The following KIF26B variants were observed in gnomAD, a reference collection of about 807,000 sequenced individuals.
The protein encoded by KIF26B is kinesin-like protein KIF26B.
In KIF26B, 63 loss-of-function variants were observed where a neutral mutation model predicts 151.2. The observed-to-expected ratio is 0.42, with a 90% confidence interval of 0.34 to 0.51. KIF26B has a LOEUF of 0.51. Among genes scored for constraint, KIF26B ranks in the 20% least tolerant of loss-of-function variants. The pLI, the probability that KIF26B is intolerant of heterozygous loss-of-function variation, is 0.07. For missense variants in KIF26B, 2,813 were observed against 2,913.6 expected, an observed-to-expected ratio of 0.97 and a Z score of 0.79; for synonymous variants, 1,357 against 1,262.1, an observed-to-expected ratio of 1.08 and a Z score of -1.59.
rs577447881 is a variant in KIF26B at position 245,607,307 on chromosome 1, G to A, written c.1558-344G>A. Among the ~76,000 whole-genome samples the A allele has an allele frequency of 2.6e-5, 4 of 151,988 alleles. No individual in the cohort carries two copies. In the South Asian group the frequency reaches 6.2e-4, roughly 24 times the overall value. On this transcript the variant is annotated intron_variant, in intron 6 of 14. Transcript: ENST00000407071. ...AGTGGAGAGTTTAAAGACCTTATCCGGGACCCCAGAATGGCAGATGAGGGA... is the reference window on the plus strand; with the variant it reads ...AGTGGAGAGTTTAAAGACCTTATCCAGGACCCCAGAATGGCAGATGAGGGA...
chr1:245,263,778 C>T (rs1024134963), intron 2 of KIF26B, among the ~76,000 whole-genome samples: 4 of 152,132 alleles, frequency 2.6e-5, no homozygotes, highest in South Asian at 2.1e-4. Flanking sequence ...GTGGCTGATT[C>T]CAAAAAATGC....
intron 4 of KIF26B, among the ~76,000 whole-genome samples, chr1:245,501,695 T>C (rs1660624404): frequency 6.6e-6 from 1 of 152,222 alleles, no homozygotes; most frequent in South Asian, 2.1e-4. Context: ...TGACTGAAAG[T>C]GTAAACAAAT....
chr1:245,309,104 T>C (rs919157477), intron 2 of KIF26B, among the ~76,000 whole-genome samples: 1 of 152,192 alleles, frequency 6.6e-6, no homozygotes, highest in Non-Finnish European at 1.5e-5. Flanking sequence ...ATGTGCATTG[T>C]GCTCTAGAGG....
chr1:245,695,891 TCTCTA>T (rs2044687287), intron 12 of KIF26B, among the ~76,000 whole-genome samples: 1 of 118,086 alleles, frequency 8.5e-6, no homozygotes, highest in African/African-American at 2.9e-5. Flanking sequence ...GTTTTTACCT[TCTCTA>T]CTCCCAGCTC....
In KIF26B at chr1:245,156,466, G is replaced by C. The variant is rs1181979620; in HGVS notation, c.248G>C (p.Gly83Ala). 1 of 1,524,676 alleles carries C rather than the reference G, an allele frequency of 6.6e-7. No individual in the cohort carries two copies. Among genetic ancestry groups the C allele is most frequent in the Admixed American group, 2.0e-5 (1 of 50,060 alleles). 94.4% of individuals were successfully genotyped at this position (1,524,676 alleles called of 1,614,324 possible). A position where few individuals can be genotyped will look rare whatever the true frequency, so the allele number is the denominator to read the frequency against. Residue 83 changes from glycine (G) to alanine (A), a missense_variant, in exon 2 of 15, where the codon GGC becomes GCC. Gly to Ala is a moderately conservative substitution (Grantham distance 60). Coordinates refer to ENST00000407071, the MANE Select transcript of KIF26B (RefSeq NM_018012.4). ...SGTSSPSSFT[G>A]SPGPASPGIG... ...ACCTCGTCCCCGAGCTCGTTCACCG[G>C]CTCCCCGGGACCCGCCTCCCCCGGC... is the stretch of plus-strand genomic sequence containing the variant.
chr1:245,603,452 A>T (rs12028539), intron 6 of KIF26B, among the ~76,000 whole-genome samples: 2 of 152,012 alleles, frequency 1.3e-5, no homozygotes, highest in South Asian at 2.1e-4. Context: ...GTCCTAGCTC[A>T]GCTCATTTTT....
chr1:245,202,910 C>T (rs1411773859), intron 2 of KIF26B, among the ~76,000 whole-genome samples: 2 of 151,084 alleles, frequency 1.3e-5, no homozygotes, highest in Admixed American at 6.6e-5. Context: ...TACTGCACTC[C>T]AGCCTGGGTG....
intron 2 of KIF26B, among the ~76,000 whole-genome samples, chr1:245,158,856 GT>G (rs1558328543): frequency 1.8e-4 from 7 of 39,336 alleles, no homozygotes; most frequent in South Asian, 1.7e-3. Context: ...GTGTGTGTGT[GT>G]GTGTGTGTGT....
chr1:245,647,760 C>T (rs1049182766), intron 10 of KIF26B, among the ~76,000 whole-genome samples: 2 of 152,170 alleles, frequency 1.3e-5, no homozygotes, highest in Non-Finnish European at 2.9e-5. Context: ...CAGACCCCCC[C>T]ACCAAATACA....
intron 4 of KIF26B, among the ~76,000 whole-genome samples, chr1:245,451,841 C>G (rs779697982): frequency 6.6e-6 from 1 of 151,970 alleles, no homozygotes; most frequent in Non-Finnish European, 1.5e-5. Context: ...CTCAGGTGAT[C>G]CACCCACCTC....
chr1:245,329,685 C>T (rs928364731), intron 2 of KIF26B, among the ~76,000 whole-genome samples: 2 of 152,212 alleles, frequency 1.3e-5, no homozygotes, highest in Admixed American at 6.5e-5. Context: ...TCCCAACTCT[C>T]TCTCTCATGT....
rs1660496225 is a variant in KIF26B, at chr1:245,495,569, G to A, written c.1167-45198G>A. Among the ~76,000 whole-genome samples, 1 of 152,146 alleles carries A rather than the reference G, an allele frequency of 6.6e-6. No individual in the cohort carries two copies. On this transcript the variant is annotated intron_variant, in intron 4 of 14. Transcript: ENST00000407071. This position sits in a 1 kb window ranked among gnomAD's most constrained non-coding sequence, Gnocchi z 4.2. ...TTAACCATATTCACCTGAGAGTGCT[G>A]CAGGATGCCAGAACTCCTTCCTCCT...
intron 3 of KIF26B, among the ~76,000 whole-genome samples, chr1:245,410,981 G>A (rs1674267397): frequency 6.6e-6 from 1 of 152,054 alleles, no homozygotes; most frequent in Non-Finnish European, 1.5e-5. Context: ...TTGCTCTTCT[G>A]TATTATTTTT....
chr1:245,385,225 T>G (rs1673513700), intron 3 of KIF26B, among the ~76,000 whole-genome samples: 1 of 152,214 alleles, frequency 6.6e-6, no homozygotes, highest in African/African-American at 2.4e-5. Context: ...GAAAGTCACT[T>G]ATTTAAACAT....
chr1:245,252,878 G>A (rs1670468877), intron 2 of KIF26B, among the ~76,000 whole-genome samples: 1 of 151,896 alleles, frequency 6.6e-6, no homozygotes, highest in South Asian at 2.1e-4. Context: ...TGTGTGATAT[G>A]GGTACACATG....
Position 245,698,023 on chromosome 1 carries a change from C to G in KIF26B, c.5825-83C>G, listed in dbSNP as rs887153038. The G allele has an allele frequency of 7.6e-7, 1 of 1,314,238 alleles. No homozygotes were observed. Among genetic ancestry groups the G allele is most frequent in the East Asian group, 2.5e-5 (1 of 39,506 alleles). The allele number at this position is 1,314,238 out of a possible 1,614,324, so 81.4% of individuals were successfully genotyped here. The stretch of plus-strand genomic sequence containing the variant: ...CACCACTGCACTCCAGCCTGGGCAA[C>G]AGAGCAAGACCCTGTCTCAAAAAAA... On this transcript the variant is annotated intron_variant, in intron 12 of 14. Transcript: ENST00000407071. The surrounding 1 kb of genome is among the most constrained non-coding windows in gnomAD (Gnocchi z 4.0).
At chr1:245,693,610 C>T (rs2044653580) in intron 12 of KIF26B, among the ~76,000 whole-genome samples, 4 of 152,160 alleles carry the variant, frequency 2.6e-5, no homozygotes, top group Admixed American at 2.6e-4. Flanking sequence ...ACATTACTGA[C>T]TGATGGGCCT....
At position 245,166,361 on chromosome 1, in the gene KIF26B, C is replaced by T. The variant is rs1668614153; in HGVS notation, c.465+9678C>T. Among the ~76,000 whole-genome samples, 1 of 152,148 alleles carries T rather than the reference C, an allele frequency of 6.6e-6. No homozygotes were observed. Among genetic ancestry groups the T allele is most frequent in the Admixed American group, 6.5e-5 (1 of 15,278 alleles). ...GAGAAAATGAAAGCATTCAGTGCGTCTTTGTTTCTTCACCTCCAAGTGGAT... is the reference window on the plus strand; with the variant it reads ...GAGAAAATGAAAGCATTCAGTGCGTTTTTGTTTCTTCACCTCCAAGTGGAT... On this transcript the variant is annotated intron_variant, in intron 2 of 14. Transcript: ENST00000407071. This position sits in a 1 kb window ranked among gnomAD's most constrained non-coding sequence, Gnocchi z 4.5.
Position 245,601,370 on chromosome 1 carries a change from G to A in KIF26B, c.1351-1207G>A, listed in dbSNP as rs1158320563. ...AGTCGAGATTGGCAGGAGGATCTCC[G>A]TCTTGAACAACATTATGATTCTCTG... is the stretch of plus-strand genomic sequence containing the variant. On this transcript the variant is annotated intron_variant, in intron 5 of 14. Coordinates refer to ENST00000407071, the MANE Select transcript of KIF26B (RefSeq NM_018012.4). This position sits in a 1 kb window ranked among gnomAD's most constrained non-coding sequence, Gnocchi z 4.4. 1.3e-5 allele frequency among the ~76,000 whole-genome samples: 2 copies of A among 152,148 alleles called. No individual in the cohort carries two copies. The highest frequency in any genetic ancestry group is 2.4e-5 in the African/African-American group (1 of 41,432).
Sources: gnomAD v4.1 joint callset for allele counts (sites outside exome capture counted in the v4.1 genomes callset) on GRCh38, gnomAD v4.1.1 for gene constraint, Gnocchi (gnomAD v3.1) non-coding constraint, MANE v1.5 for transcripts, NCBI Gene and HGNC (gene_info 2026-07-23, HGNC 2026-07-21) for gene names.